Variants in CFAP46 observed in about 807,000 individuals in gnomAD.
CFAP46 encodes cilia and flagella associated protein 46, also known as cilia- and flagella-associated protein 46.
Under a neutral mutation model 325.7 loss-of-function variants are expected in CFAP46, and 245 were observed. That is an observed-to-expected ratio of 0.75 (90% CI 0.68 to 0.84). The LOEUF (loss-of-function observed/expected upper bound fraction) is 0.84. CFAP46 is among the 40% of genes least tolerant of loss of function. The pLI, the probability that CFAP46 is intolerant of heterozygous loss-of-function variation, is 0.00. For missense variants in CFAP46, 3,346 were observed against 3,543.0 expected (o/e 0.94, Z 1.41); for synonymous variants, 1,523 against 1,495.9 (o/e 1.02, Z -0.42).
rs770638479 is a variant in CFAP46 at position 132,851,293 on chromosome 10, T to C, written c.5587A>G (p.Asn1863Asp). The C allele has an allele frequency of 4.3e-6, 7 of 1,613,680 alleles. No individual in the cohort carries two copies. The South Asian group carries it at 7.7e-5, about 18-fold the overall frequency. ...GCCAGCTTCCTCATCAGGGGCGTGT[T>C]GACGTTCTGCAACTGAGGGGGTCAG... ...LLSLQDLQNV[N>D]TPLMRKLARL... Residue 1863 changes from asparagine to aspartate, a missense_variant, in exon 40 of 58, where the codon AAC becomes GAC. By Grantham distance (23) the Asn-to-Asp change is conservative (BLOSUM62 1). Coordinates refer to ENST00000368586, the MANE Select transcript of CFAP46 (RefSeq NM_001200049.3).
intron 9 of CFAP46, chr10:132,929,051 C>T (rs1432505521): frequency 6.2e-6 from 1 of 160,858 alleles, no homozygotes; most frequent in Non-Finnish European, 1.4e-5. Context: ...TATACGGTAG[C>T]CCCCCCTTCT....
intron 8 of CFAP46, among the ~76,000 whole-genome samples, chr10:132,932,933 G>A (rs939582964): frequency 2.0e-5 from 3 of 152,258 alleles, no homozygotes; most frequent in Non-Finnish European, 4.4e-5. Context: ...CCTGTCCATT[G>A]TGTCCCTGCA....
Position 132,877,350 on chromosome 10 carries a change from G to A in CFAP46, c.4213-389C>T, listed in dbSNP as rs1052308549. 2.6e-5 allele frequency among the ~76,000 whole-genome samples: 4 copies of A among 152,186 alleles called. No homozygotes were observed. The highest frequency in any genetic ancestry group is 4.4e-5 in the Non-Finnish European group (3 of 68,022). On this transcript the variant is annotated intron_variant, in intron 30 of 57. Transcript: ENST00000368586. The surrounding 1 kb of genome is among the most constrained non-coding windows in gnomAD (Gnocchi z 5.7). ...CTCGTGCCGGGGTCCAGGTGTGAGC[G>A]TCCTGCTCTGGGGAGCTGGGCAGCC...
intron 8 of CFAP46, 88 bp from the exon 9 acceptor site, chr10:132,929,892 C>A (rs1849866975): frequency 2.3e-6 from 2 of 888,010 alleles, no homozygotes; most frequent in Non-Finnish European, 3.5e-6. Flanking sequence ...CCCGTTCAAG[C>A]AGAAGCAGGA....
intron 38 of CFAP46, 95 bp downstream of exon 38, chr10:132,858,976 G>T: frequency 7.5e-7 from 1 of 1,336,752 alleles, no homozygotes; most frequent in Non-Finnish European, 1.0e-6. Flanking sequence ...GGGTGCAGCC[G>T]GGGTGAGCCA....
At position 132,939,658 on chromosome 10, in the gene CFAP46, A is replaced by C. The variant is rs1303841027; in HGVS notation, c.372-905T>G. ...CATCCTGTTTCCAGGTTTTCAGGAG[A>C]GGAGCGGAGGTGCGGGGTGTCCTGA... On this transcript the variant is annotated intron_variant, in intron 4 of 57. Transcript: ENST00000368586. This position sits in a 1 kb window ranked among gnomAD's most constrained non-coding sequence, Gnocchi z 4.6. Among the ~76,000 whole-genome samples, 3 of 152,100 alleles carry C rather than the reference A, an allele frequency of 2.0e-5. No homozygotes were observed. The highest frequency in any genetic ancestry group is 7.2e-5 in the African/African-American group (3 of 41,418).
intron 44 of CFAP46, among the ~76,000 whole-genome samples, chr10:132,843,439 C>A (rs1372781347): frequency 7.6e-5 from 11 of 145,110 alleles, no homozygotes; most frequent in Middle Eastern, 3.9e-3. Context: ...AGGCTCTGGT[C>A]ACAGTGGGCG....
At chr10:132,916,438 C>T (rs1591089479) in intron 17 of CFAP46, 111 bp downstream of exon 17, 9 of 1,215,382 alleles carry the variant, frequency 7.4e-6, no homozygotes, top group Middle Eastern at 2.8e-4. Context: ...CGCAAGAAGC[C>T]GGTGTCCTTA....
chr10:132,809,516 G>C (rs113061692), intron 57 of CFAP46, among the ~76,000 whole-genome samples: 4 of 152,130 alleles, frequency 2.6e-5, no homozygotes, highest in Non-Finnish European at 4.4e-5. Flanking sequence ...CCTTGGGACC[G>C]GTATCCCCGG....
At position 132,897,110 on chromosome 10, in the gene CFAP46, C is replaced by T. The variant is rs187027973; in HGVS notation, c.3219+1849G>A. Reference sequence around the variant, plus strand: ...CTAATACCATATGCAAAACTTAACTCAAATGGATCAAAGATCTAAACTTAA... The same window carrying T: ...CTAATACCATATGCAAAACTTAACTTAAATGGATCAAAGATCTAAACTTAA... On this transcript the variant is annotated intron_variant, in intron 24 of 57. Transcript: ENST00000368586. Among the ~76,000 whole-genome samples, 264 of 152,242 alleles carry T rather than the reference C, an allele frequency of 1.7e-3. 1 individual carries two copies. The highest frequency in any genetic ancestry group is 6.0e-3 in the African/African-American group (251 of 41,546).
At chr10:132,824,353 GCGC>G (rs1454071394) in intron 50 of CFAP46, among the ~76,000 whole-genome samples, 4 of 127,700 alleles carry the variant, frequency 3.1e-5, no homozygotes, top group African/African-American at 1.2e-4. Context: ...TGCTGTGTGA[GCGC>G]TGATGTGTGC....
intron 22 of CFAP46, among the ~76,000 whole-genome samples, chr10:132,900,785 A>G (rs1849382406): frequency 6.6e-6 from 1 of 152,244 alleles, no homozygotes; most frequent in African/African-American, 2.4e-5. Flanking sequence ...AATGCCAATG[A>G]GTGAGGTCTG....
chr10:132,858,194 G>C (rs900281449), intron 38 of CFAP46, among the ~76,000 whole-genome samples: 2 of 152,222 alleles, frequency 1.3e-5, no homozygotes, highest in African/African-American at 4.8e-5. Context: ...TGGGCCCGCC[G>C]TGTCGAGACG....
At chr10:132,908,317 CCT>C in intron 22 of CFAP46, 149 bp downstream of exon 22, 1 of 936,936 alleles carries the variant, frequency 1.1e-6, no homozygotes, top group South Asian at 1.7e-5. Flanking sequence ...TCACACGCGC[CCT>C]GATCTGTGAT....
At position 132,879,549 on chromosome 10, in the gene CFAP46, G is replaced by C; in HGVS notation, c.3882C>G (p.Ser1294Arg). 1 of 1,547,366 alleles carries C rather than the reference G, an allele frequency of 6.5e-7. No homozygotes were observed. The highest frequency in any genetic ancestry group is 1.2e-5 in the South Asian group (1 of 83,880). Reference protein sequence around the residue: ...EEAVSLEQLRSVRQLEALARV... With the variant: ...EEAVSLEQLRRVRQLEALARV... ...GGGCCAGCGCCTCCAGCTGCCGCAC[G>C]CTACGCAGCTGCTCCAAGGACACCG... is the stretch of plus-strand genomic sequence containing the variant. The change falls in exon 29 of 58, where the codon AGC (serine) becomes AGG (arginine). Residue 1294 changes from serine to arginine, a missense_variant. By Grantham distance (110) the Ser-to-Arg change is moderately radical (BLOSUM62 -1). Coordinates refer to ENST00000368586, the MANE Select transcript of CFAP46 (RefSeq NM_001200049.3).
At chr10:132,880,809 G>A in intron 28 of CFAP46, 52 bp downstream of exon 28, 1 of 1,521,816 alleles carries the variant, frequency 6.6e-7, no homozygotes, top group Non-Finnish European at 8.8e-7. Context: ...GCAGGAAGCA[G>A]AGCTCTGGGG....
intron 50 of CFAP46, among the ~76,000 whole-genome samples, chr10:132,829,562 G>C (rs1379347613): frequency 6.6e-6 from 1 of 152,200 alleles, no homozygotes; most frequent in Non-Finnish European, 1.5e-5. Flanking sequence ...GGGATCTCCA[G>C]CGTGGTGCTG....
intron 25 of CFAP46, among the ~76,000 whole-genome samples, chr10:132,888,036 TCTCTCTCTCCTCTCCCCTC>T (rs1849192225): frequency 9.9e-6 from 1 of 100,510 alleles, no homozygotes; most frequent in Non-Finnish European, 2.0e-5. Context: ...TCTCCCCTCT[TCTCTCTCTCCTCTCCCCTC>T]CTCTCTCTCT....
chr10:132,889,440 C>G lies in CFAP46; in HGVS notation c.3304+2893G>C, dbSNP rs944276604. On this transcript the variant is annotated intron_variant, in intron 25 of 57. Coordinates refer to ENST00000368586, the MANE Select transcript of CFAP46 (RefSeq NM_001200049.3). The surrounding 1 kb of genome is among the most constrained non-coding windows in gnomAD (Gnocchi z 6.0). ...TTCACACTCTGCCAGGCCCTCCTCA[C>G]CCAGGCACTGGCCAGAGAAGCGGGT... Among the ~76,000 whole-genome samples the G allele has an allele frequency of 6.6e-6, 1 of 152,216 alleles. No individual in the cohort carries two copies. Among genetic ancestry groups the G allele is most frequent in the Non-Finnish European group, 1.5e-5 (1 of 68,036 alleles).
Sources: allele counts gnomAD v4.1 joint callset (sites outside exome capture counted in the v4.1 genomes callset), GRCh38; gene constraint gnomAD v4.1.1; non-coding constraint Gnocchi (gnomAD v3.1); transcripts MANE v1.5; gene names NCBI Gene and HGNC (gene_info 2026-07-23, HGNC 2026-07-21).